Variants in CDKAL1 observed in about 807,000 individuals in gnomAD.
CDKAL1 encodes threonylcarbamoyladenosine tRNA methylthiotransferase.
A neutral mutation model predicts 68.2 loss-of-function variants in CDKAL1; 32 were observed. The ratio of observed to expected loss-of-function variants is 0.47; its 90% confidence interval spans 0.35 to 0.63. CDKAL1 has a LOEUF of 0.63. CDKAL1 is among the 30% of genes least tolerant of loss of function. The pLI is 0.00. For missense variants in CDKAL1, 606 were observed against 696.7 expected (o/e 0.87, Z 1.47); for synonymous variants, 234 against 244.3 (o/e 0.96, Z 0.39).
intron 5 of CDKAL1, among the ~76,000 whole-genome samples, chr6:20,674,089 T>G (rs921659769): frequency 2.6e-5 from 4 of 152,236 alleles, no homozygotes; most frequent in African/African-American, 9.6e-5. Flanking sequence ...GTTCATTTTA[T>G]ATTGTCTTAC....
chr6:20,931,330 A>C (rs1349223296), intron 9 of CDKAL1, among the ~76,000 whole-genome samples: 1 of 152,178 alleles, frequency 6.6e-6, no homozygotes, highest in Non-Finnish European at 1.5e-5. Flanking sequence ...TATGTTCTCT[A>C]CTGGTAAATT....
At chr6:21,221,963 G>A (rs1274536748) in intron 15 of CDKAL1, among the ~76,000 whole-genome samples, 1 of 152,180 alleles carries the variant, frequency 6.6e-6, no homozygotes, top group Non-Finnish European at 1.5e-5. Flanking sequence ...CAAGTCTGCA[G>A]GTTGGGCATT....
At chr6:20,760,199 C>T (rs1188459858) in intron 7 of CDKAL1, among the ~76,000 whole-genome samples, 4 of 151,916 alleles carry the variant, frequency 2.6e-5, no homozygotes, top group South Asian at 2.1e-4. Context: ...AGGCTGGTCT[C>T]GAACTCCTGG....
chr6:21,163,676 C>A (rs1266911958), intron 13 of CDKAL1, among the ~76,000 whole-genome samples: 1 of 152,092 alleles, frequency 6.6e-6, no homozygotes, highest in Admixed American at 6.6e-5. Context: ...TCTGGCCGGG[C>A]GCGGTGGCTC....
At chr6:20,863,957 A>G (rs983013811) in intron 9 of CDKAL1, among the ~76,000 whole-genome samples, 5 of 152,326 alleles carry the variant, frequency 3.3e-5, no homozygotes, top group East Asian at 1.9e-4. Context: ...CCTTCATTTT[A>G]TAGTCATACT....
At chr6:20,817,883 G>C (rs1207428314) in intron 8 of CDKAL1, among the ~76,000 whole-genome samples, 1 of 152,126 alleles carries the variant, frequency 6.6e-6, no homozygotes, top group Non-Finnish European at 1.5e-5. Context: ...AGAACTGCCT[G>C]ATCTCAAGGA....
intron 5 of CDKAL1, among the ~76,000 whole-genome samples, chr6:20,694,895 A>G (rs1771044504): frequency 6.6e-6 from 1 of 152,086 alleles, no homozygotes; most frequent in South Asian, 2.1e-4. Flanking sequence ...CTAGTGGTTA[A>G]AAACAGCCTG....
intron 4 of CDKAL1, among the ~76,000 whole-genome samples, chr6:20,577,099 T>G (rs1764945457): frequency 6.6e-6 from 1 of 152,186 alleles, no homozygotes; most frequent in South Asian, 2.1e-4. Flanking sequence ...CACATTTCCC[T>G]TCGTTGTTGG....
intron 9 of CDKAL1, among the ~76,000 whole-genome samples, chr6:20,864,095 G>A (rs1419979674): frequency 2.0e-5 from 3 of 152,208 alleles, no homozygotes; most frequent in East Asian, 1.9e-4. Context: ...TTCACTTACC[G>A]TATTAGCCCA....
At chr6:20,549,878 A>G (rs977545904) in intron 4 of CDKAL1, among the ~76,000 whole-genome samples, 2 of 152,104 alleles carry the variant, frequency 1.3e-5, no homozygotes, top group Non-Finnish European at 2.9e-5. Context: ...AAGTGCGGGG[A>G]TTACAGGTGT....
chr6:20,690,784 A>G (rs1007948469), intron 5 of CDKAL1, among the ~76,000 whole-genome samples: 1 of 152,184 alleles, frequency 6.6e-6, no homozygotes, highest in Non-Finnish European at 1.5e-5. Flanking sequence ...TACCATGTTC[A>G]TAAAAACTGA....
chr6:20,748,999 A>G (rs1280289357), intron 6 of CDKAL1, among the ~76,000 whole-genome samples: 5 of 136,240 alleles, frequency 3.7e-5, no homozygotes, highest in South Asian at 4.4e-4. Context: ...ATGTGTGTGT[A>G]TATATATATA....
At position 20,749,253 on chromosome 6, in the gene CDKAL1, A is replaced by T. The variant is rs111864473; in HGVS notation, c.469-9342A>T. Among the ~76,000 whole-genome samples the T allele has an allele frequency of 8.7e-3, 1,328 of 152,342 alleles. 15 individuals carry two copies. Among genetic ancestry groups the T allele is most frequent in the African/African-American group, 0.03 (1,248 of 41,574 alleles). The stretch of plus-strand genomic sequence containing the variant: ...GCAAATAGAATAAAATTTAAACCAC[A>T]TAGCATGAACTGCTGAACTGCAAGA... On this transcript the variant is annotated intron_variant, in intron 6 of 15. Transcript: ENST00000274695.
Position 20,815,359 on chromosome 6 carries a change from A to T in CDKAL1, c.639-30716A>T, listed in dbSNP as rs542134072. Among the ~76,000 whole-genome samples the T allele has an allele frequency of 2.6e-5, 4 of 152,202 alleles. No homozygotes were observed. In the South Asian group the frequency reaches 8.3e-4, roughly 32 times the overall value. On this transcript the variant is annotated intron_variant, in intron 8 of 15. Coordinates refer to ENST00000274695, the MANE Select transcript of CDKAL1 (RefSeq NM_017774.3). ...AAGGGTTGAGTAGAAGAAGTGTTTT[A>T]GGTTCTCTGTTTCTCCTGTGCTAAT...
intron 5 of CDKAL1, among the ~76,000 whole-genome samples, chr6:20,694,228 GA>G (rs1771014120): frequency 6.6e-6 from 1 of 152,104 alleles, no homozygotes. Context: ...TTTTTGTAGA[GA>G]CAGGGTTTCA....
chr6:20,738,374 C>T (rs1447527262), intron 5 of CDKAL1, among the ~76,000 whole-genome samples: 1 of 152,024 alleles, frequency 6.6e-6, no homozygotes, highest in Non-Finnish European at 1.5e-5. Context: ...TATATGCATA[C>T]CCGAGTGAAT....
intron 4 of CDKAL1, among the ~76,000 whole-genome samples, chr6:20,587,695 T>C (rs1765430168): frequency 1.3e-5 from 2 of 152,152 alleles, no homozygotes; most frequent in Non-Finnish European, 2.9e-5. Context: ...ATCATGCCAC[T>C]GTACTCCAGC....
rs150422056 is a variant in CDKAL1 at position 20,576,129 on chromosome 6, G to T, written c.286+27424G>T. Among the ~76,000 whole-genome samples the T allele has an allele frequency of 3.3e-5, 5 of 152,284 alleles. No individual in the cohort carries two copies. The East Asian group carries it at 9.6e-4, about 29-fold the overall frequency. On this transcript the variant is annotated intron_variant, in intron 4 of 15. Transcript: ENST00000274695. Reference sequence around the variant, plus strand: ...GGAAAAATGAACATTCCAAAACTCTGATTTAAAGATCTTATTTAGTGTCTG... The same window carrying T: ...GGAAAAATGAACATTCCAAAACTCTTATTTAAAGATCTTATTTAGTGTCTG...
intron 11 of CDKAL1, among the ~76,000 whole-genome samples, chr6:21,035,011 A>G (rs970994253): frequency 6.6e-6 from 1 of 152,144 alleles, no homozygotes; most frequent in Non-Finnish European, 1.5e-5. Flanking sequence ...ATGTGAAGAG[A>G]TAATTTTTTT....
Sources: gnomAD v4.1 joint callset for allele counts (sites outside exome capture counted in the v4.1 genomes callset) on GRCh38, gnomAD v4.1.1 for gene constraint, MANE v1.5 for transcripts, NCBI Gene and HGNC (gene_info 2026-07-23, HGNC 2026-07-21) for gene names.